The following PCDH9 variants were observed in gnomAD, a reference collection of about 807,000 sequenced individuals.
PCDH9 encodes the protein protocadherin-9.
PCDH9 carries 24 observed loss-of-function variants against 70.6 expected under a neutral mutation model. The ratio of observed to expected loss-of-function variants is 0.34; its 90% CI spans 0.25 to 0.48. The LOEUF (loss-of-function observed/expected upper bound fraction) is 0.48, where lower values mean the gene tolerates loss of function less well. PCDH9 is among the 20% of genes least tolerant of loss of function. The pLI is 0.99. For synonymous variants in PCDH9, 562 were observed against 558.5 expected (o/e 1.01, Z -0.09); for missense variants, 1,281 against 1,503.6 (o/e 0.85, Z 2.45).
At chr13:67,198,724 T>G (rs1187312481) in intron 2 of PCDH9, among the ~76,000 whole-genome samples, 1 of 151,908 alleles carries the variant, frequency 6.6e-6, no homozygotes, top group Non-Finnish European at 1.5e-5. Context: ...TAATGATTCA[T>G]TTAAACTAAC....
intron 2 of PCDH9, among the ~76,000 whole-genome samples, chr13:66,911,381 C>T (rs893568789): frequency 6.6e-6 from 1 of 152,170 alleles, no homozygotes; most frequent in Non-Finnish European, 1.5e-5. Flanking sequence ...ATACTTCTAA[C>T]CTCTCTAACT....
intron 2 of PCDH9, among the ~76,000 whole-genome samples, chr13:67,191,464 G>T (rs557124004): frequency 6.6e-5 from 10 of 151,944 alleles, no homozygotes; most frequent in African/African-American, 2.2e-4. Flanking sequence ...ATCTTGAATT[G>T]CTTCCTAATG....
At chr13:67,108,972 G>A (rs1162749702) in intron 2 of PCDH9, among the ~76,000 whole-genome samples, 2 of 152,170 alleles carry the variant, frequency 1.3e-5, no homozygotes, top group African/African-American at 4.8e-5. Flanking sequence ...GTCAGATTCA[G>A]TCAATTTTAG....
intron 3 of PCDH9, among the ~76,000 whole-genome samples, chr13:66,816,856 G>GT (rs529534184): frequency 0.35 from 51,921 of 148,274 alleles, 9,553 homozygotes; most frequent in Non-Finnish European, 0.43. Context: ...GTAAAACAAG[G>GT]TTTTTTTTTT....
Position 67,069,622 on chromosome 13 carries a change from G to A in PCDH9, c.3036+155783C>T, listed in dbSNP as rs987675530. Among the ~76,000 whole-genome samples the A allele has an allele frequency of 4.6e-5, 7 of 152,200 alleles. No individual in the cohort carries two copies. In the East Asian group the frequency reaches 5.8e-4, roughly 13 times the overall value. On this transcript the variant is annotated intron_variant, in intron 2 of 4. Coordinates refer to ENST00000377865, the MANE Select transcript of PCDH9 (RefSeq NM_203487.3). ...CTGAGAATGAGCAGCTTGATCTCAC[G>A]CTAGTGCTTTTCACACTCTATAATT...
chr13:66,465,188 A>T (rs1019466718), intron 4 of PCDH9, among the ~76,000 whole-genome samples: 3 of 151,954 alleles, frequency 2.0e-5, no homozygotes, highest in Non-Finnish European at 4.4e-5. Context: ...GCCTGTGAAA[A>T]TCAAAAGTAT....
chr13:67,110,880 G>C (rs372072534), intron 2 of PCDH9, among the ~76,000 whole-genome samples: 1 of 152,060 alleles, frequency 6.6e-6, no homozygotes, highest in African/African-American at 2.4e-5. Flanking sequence ...ACCCTGTTTC[G>C]TGTTACAATG....
At chr13:66,776,935 G>C (rs11148725) in intron 3 of PCDH9, among the ~76,000 whole-genome samples, 1 of 142,570 alleles carries the variant, frequency 7.0e-6, no homozygotes, top group Admixed American at 7.1e-5. Context: ...AACAGAGATA[G>C]AGATCAATGG....
chr13:67,012,326 T>C (rs1442592716), intron 2 of PCDH9, among the ~76,000 whole-genome samples: 1 of 151,818 alleles, frequency 6.6e-6, no homozygotes, highest in African/African-American at 2.4e-5. Context: ...TGTGTGTATG[T>C]GTGAGAGAAA....
intron 3 of PCDH9, among the ~76,000 whole-genome samples, chr13:66,847,155 A>C (rs2139443344): frequency 6.6e-6 from 1 of 152,318 alleles, no homozygotes; most frequent in East Asian, 1.9e-4. Flanking sequence ...TGTCACCAAA[A>C]AGATTGATTT....
intron 2 of PCDH9, among the ~76,000 whole-genome samples, chr13:67,190,648 T>G (rs1006781937): frequency 6.6e-6 from 1 of 152,064 alleles, no homozygotes; most frequent in African/African-American, 2.4e-5. Flanking sequence ...AATTAAATTG[T>G]AGAATAGAGA....
At chr13:66,584,970 G>C (rs994683213) in intron 4 of PCDH9, among the ~76,000 whole-genome samples, 6 of 152,052 alleles carry the variant, frequency 3.9e-5, no homozygotes, top group Admixed American at 3.9e-4. Context: ...GGTCATCCCA[G>C]TTACAGAAAA....
At chr13:67,206,012 T>C (rs1156664203) in intron 2 of PCDH9, 1 of 152,154 alleles carries the variant, frequency 6.6e-6, no homozygotes, top group African/African-American at 2.4e-5. Flanking sequence ...GGATATTTTT[T>C]GTATTTTTTG....
At chr13:66,901,333 G>A (rs1175298810) in intron 3 of PCDH9, among the ~76,000 whole-genome samples, 5 of 151,684 alleles carry the variant, frequency 3.3e-5, no homozygotes, top group Non-Finnish European at 7.4e-5. Flanking sequence ...AGAGTATGAG[G>A]TACTATTTAA....
At chr13:67,185,344 C>T (rs992742918) in intron 2 of PCDH9, among the ~76,000 whole-genome samples, 10 of 152,050 alleles carry the variant, frequency 6.6e-5, no homozygotes, top group Non-Finnish European at 8.8e-5. Flanking sequence ...TTCAAAATTA[C>T]GTTATTTTTC....
chr13:66,923,616 G>A (rs949635983), intron 2 of PCDH9, among the ~76,000 whole-genome samples: 10 of 151,574 alleles, frequency 6.6e-5, no homozygotes, highest in African/African-American at 2.4e-4. Flanking sequence ...CCAATACAAT[G>A]TATACAACCA....
chr13:67,095,950 T>C (rs1383628233), intron 2 of PCDH9, among the ~76,000 whole-genome samples: 1 of 152,194 alleles, frequency 6.6e-6, no homozygotes, highest in South Asian at 2.1e-4. Context: ...AGGCTGAAGC[T>C]GTAGTTACTC....
chr13:66,769,654 G>A (rs1481225685), intron 3 of PCDH9, among the ~76,000 whole-genome samples: 1 of 152,102 alleles, frequency 6.6e-6, no homozygotes, highest in East Asian at 1.9e-4. Flanking sequence ...TTCTGCAATG[G>A]AAGTTAAAAT....
chr13:66,326,489 G>GC (rs1344066107), intron 4 of PCDH9, among the ~76,000 whole-genome samples: 15 of 151,446 alleles, frequency 9.9e-5, no homozygotes, highest in Non-Finnish European at 1.9e-4. Context: ...CGCGATCTCG[G>GC]CTCACTGCAA....
Sources: allele counts gnomAD v4.1 joint callset (sites outside exome capture counted in the v4.1 genomes callset), GRCh38; gene constraint gnomAD v4.1.1; transcripts MANE v1.5; gene names NCBI Gene and HGNC (gene_info 2026-07-23, HGNC 2026-07-21).